OSBPL3: variants seen among roughly 807,000 people sequenced by gnomAD.
OSBPL3 encodes oxysterol binding protein like 3.
Under a neutral mutation model 120.1 loss-of-function variants are expected in OSBPL3, and 65 were observed. The observed-to-expected ratio is 0.54, with a 90% confidence interval of 0.44 to 0.67. The LOEUF is 0.67. Among genes scored for constraint, OSBPL3 ranks in the 30% least tolerant of loss-of-function variants. The pLI is 0.00. For synonymous variants in OSBPL3, 416 were observed against 402.6 expected (o/e 1.03, Z -0.40); for missense variants, 1,004 against 1,082.1 (o/e 0.93, Z 1.01).
In OSBPL3 at chr7:24,803,930, ATC is replaced by A. The variant is rs1229599543; in HGVS notation, c.2567+383_2567+384del. 6.6e-6 allele frequency among the ~76,000 whole-genome samples: 1 copy of A among 152,160 alleles called. No individual in the cohort carries two copies. Among genetic ancestry groups the A allele is most frequent in the East Asian group, 1.9e-4 (1 of 5,200 alleles). On this transcript the variant is annotated intron_variant, in intron 22 of 22. Transcript: ENST00000313367. This position sits in a 1 kb window ranked among gnomAD's most constrained non-coding sequence, Gnocchi z 4.2. ...CTTAACTGTGGAGTGATCGTGAATGATCTCTGTCATGGTGTAAAACATGCCTA... is the reference window on the plus strand; with the variant it reads ...CTTAACTGTGGAGTGATCGTGAATGATCTGTCATGGTGTAAAACATGCCTA...
intron 1 of OSBPL3, among the ~76,000 whole-genome samples, chr7:24,961,368 C>T (rs1263389322): frequency 6.6e-6 from 1 of 152,124 alleles, no homozygotes; most frequent in Non-Finnish European, 1.5e-5. Flanking sequence ...TTGAAATTAA[C>T]AAGAAGAAGC....
chr7:24,814,403 G>A (rs988540369), intron 19 of OSBPL3, among the ~76,000 whole-genome samples: 2 of 151,738 alleles, frequency 1.3e-5, no homozygotes, highest in African/African-American at 4.8e-5. Context: ...CTTCAACTCT[G>A]AGAAAGATGG....
rs1794696205 is a variant in OSBPL3 at position 24,818,150 on chromosome 7, G to A, written c.1949-1462C>T. On this transcript the variant is annotated intron_variant, in intron 17 of 22. Transcript: ENST00000313367. The surrounding 1 kb of genome is among the most constrained non-coding windows in gnomAD (Gnocchi z 4.0). Reference sequence around the variant, plus strand: ...GCTGGGGAATATTGAGAGAAATGGGGCAGGTGGCAGAGGGGGTGGATAATA... The same window carrying A: ...GCTGGGGAATATTGAGAGAAATGGGACAGGTGGCAGAGGGGGTGGATAATA... 6.6e-6 allele frequency among the ~76,000 whole-genome samples: 1 copy of A among 152,166 alleles called. No individual in the cohort carries two copies. The highest frequency in any genetic ancestry group is 2.4e-5 in the African/African-American group (1 of 41,436).
chr7:24,860,543 G>A lies in OSBPL3; in HGVS notation c.1027+1070C>T, dbSNP rs142977993. 7.2e-3 allele frequency among the ~76,000 whole-genome samples: 1,093 copies of A among 152,168 alleles called. 26 individuals carry two copies. The highest frequency in any genetic ancestry group is 0.018 in the East Asian group (94 of 5,186). ...TGCCACCATGTAAGACATGCTTTTC[G>A]TCATCTGCCATGATTGTGAGGCCTC... On this transcript the variant is annotated intron_variant, in intron 10 of 22. Coordinates refer to ENST00000313367, the MANE Select transcript of OSBPL3 (RefSeq NM_015550.4).
chr7:24,851,508 T>C lies in OSBPL3; in HGVS notation c.1158+996A>G, dbSNP rs1799149503. Among the ~76,000 whole-genome samples, 1 of 152,214 alleles carries C rather than the reference T, an allele frequency of 6.6e-6. No homozygotes were observed. Among genetic ancestry groups the C allele is most frequent in the African/African-American group, 2.4e-5 (1 of 41,444 alleles). The stretch of plus-strand genomic sequence containing the variant: ...ATAAATAGAAAATATGAATCAACAT[T>C]TTCTAGTTCTCTCAATGCCTGTGTT... On this transcript the variant is annotated intron_variant, in intron 11 of 22. Transcript: ENST00000313367. This position sits in a 1 kb window ranked among gnomAD's most constrained non-coding sequence, Gnocchi z 4.1.
chr7:24,942,452 CTCT>C lies in OSBPL3; in HGVS notation c.-150+37431_-150+37433del, dbSNP rs567618180. Among the ~76,000 whole-genome samples, 64 of 46,934 alleles carry C rather than the reference CTCT, an allele frequency of 1.4e-3. No homozygotes were observed. In the East Asian group the frequency reaches 0.053, roughly 39 times the overall value. 30.8% of individuals were successfully genotyped at this position (46,934 alleles called of 152,430 possible). On this transcript the variant is annotated intron_variant, in intron 1 of 22. Transcript: ENST00000313367. ...TCCTGGATTTAGATCCTTCACGGGCCTCTTCTCTGTCATGGTAATCCATGCATT... is the reference window on the plus strand; with the variant it reads ...TCCTGGATTTAGATCCTTCACGGGCCTCTCTGTCATGGTAATCCATGCATT...
intron 22 of OSBPL3, 64 bp from the exon 23 acceptor site, chr7:24,800,343 T>G (rs1160890799): frequency 9.6e-6 from 9 of 937,934 alleles, no homozygotes; most frequent in Non-Finnish European, 1.5e-5. Context: ...CAAGTCTCTT[T>G]CCTTCCTAAC....
rs1303015778 is a variant in OSBPL3 at position 24,916,670 on chromosome 7, T to G, written c.-149-24049A>C. Among the ~76,000 whole-genome samples, 1 of 152,080 alleles carries G rather than the reference T, an allele frequency of 6.6e-6. No homozygotes were observed. The highest frequency in any genetic ancestry group is 1.9e-4 in the East Asian group (1 of 5,182). On this transcript the variant is annotated intron_variant, in intron 1 of 22. Coordinates refer to ENST00000313367, the MANE Select transcript of OSBPL3 (RefSeq NM_015550.4). The surrounding 1 kb of genome is among the most constrained non-coding windows in gnomAD (Gnocchi z 4.9). ...ACTGTTGGAGAAACATTATGTGCCA[T>G]GCTCTAAGGTGAAAGAATCTGCCTA...
rs529677943 is a variant in OSBPL3 at position 24,913,460 on chromosome 7, C to T, written c.-149-20839G>A. 1.3e-4 allele frequency among the ~76,000 whole-genome samples: 20 copies of T among 152,234 alleles called. No individual in the cohort carries two copies. Among genetic ancestry groups the T allele is most frequent in the South Asian group, 6.2e-4 (3 of 4,816 alleles). On this transcript the variant is annotated intron_variant, in intron 1 of 22. Transcript: ENST00000313367. The surrounding 1 kb of genome is among the most constrained non-coding windows in gnomAD (Gnocchi z 5.3). ...TGGGTAGGTCAGACTCAGAAGGGGG[C>T]TCCTTGACCAACAAACCCTGACTCC...
intron 1 of OSBPL3, among the ~76,000 whole-genome samples, chr7:24,949,279 C>G (rs1334725976): frequency 1.3e-5 from 2 of 152,186 alleles, no homozygotes; most frequent in African/African-American, 4.8e-5. Flanking sequence ...TCATCACATA[C>G]TGTGTTCCAC....
At chr7:24,844,998 T>C (rs920184078) in intron 12 of OSBPL3, among the ~76,000 whole-genome samples, 8 of 152,312 alleles carry the variant, frequency 5.3e-5, no homozygotes, top group African/African-American at 1.9e-4. Flanking sequence ...AGAGTAATAA[T>C]AAAATTAAGA....
rs1340840512 is a variant in OSBPL3, at chr7:24,867,507, G to A, written c.382-1270C>T. On this transcript the variant is annotated intron_variant, in intron 5 of 22. Transcript: ENST00000313367. The surrounding 1 kb of genome is among the most constrained non-coding windows in gnomAD (Gnocchi z 4.5). ...GGCAAGTCATTCCCATGGTGTTCTC[G>A]TGGTGGTGCGTGGGTCTCGCAAGAT... Among the ~76,000 whole-genome samples, 3 of 152,132 alleles carry A rather than the reference G, an allele frequency of 2.0e-5. No individual in the cohort carries two copies. The highest frequency in any genetic ancestry group is 6.5e-5 in the Admixed American group (1 of 15,284).
chr7:24,845,384 T>TAAAAAAAAAAAA (rs34559902), intron 12 of OSBPL3, among the ~76,000 whole-genome samples: 823 of 62,180 alleles, frequency 0.013, 2 homozygotes, highest in Middle Eastern at 0.025. Flanking sequence ...GCAAAATAAG[T>TAAAAAAAAAAAA]AAAAAAAAAA....
chr7:24,809,852 T>C lies in OSBPL3; in HGVS notation c.2272A>G (p.Ile758Val), dbSNP rs757559546. ...GAAGAGGAGCCGCCGCCACAGTAGATGCTTTCATGCCATTTCCCAAACAGC... is the reference window on the plus strand; with the variant it reads ...GAAGAGGAGCCGCCGCCACAGTAGACGCTTTCATGCCATTTCCCAAACAGC... ...HRLFGKWHES[I>V]YCGGGSSSAC... is the part of the protein sequence containing the mutation. The change falls in exon 20 of 23, where the codon ATC becomes GTC. Residue 758 changes from isoleucine to valine, a missense_variant. Physicochemically the swap from Ile to Val is conservative, Grantham distance 29. Coordinates refer to ENST00000313367, the MANE Select transcript of OSBPL3 (RefSeq NM_015550.4). 6.2e-7 allele frequency: 1 copy of C among 1,614,206 alleles called. No individual in the cohort carries two copies.
chr7:24,949,222 T>C (rs1455890519), intron 1 of OSBPL3, among the ~76,000 whole-genome samples: 4 of 152,234 alleles, frequency 2.6e-5, no homozygotes, highest in Non-Finnish European at 5.9e-5. Flanking sequence ...ATTCCTGACA[T>C]CTTTCCATAA....
At chr7:24,861,831 G>A (rs942701686) in intron 9 of OSBPL3, 62 bp from the exon 10 acceptor site, 39 of 1,073,544 alleles carry the variant, frequency 3.6e-5, no homozygotes, top group Admixed American at 5.1e-5. Flanking sequence ...ATATTTACTT[G>A]ATTCTAAGAT....
In OSBPL3 at chr7:24,871,222, G is replaced by A. The variant is rs1190614063; in HGVS notation, c.268-377C>T. On this transcript the variant is annotated intron_variant, in intron 4 of 22. Transcript: ENST00000313367. The surrounding 1 kb of genome is among the most constrained non-coding windows in gnomAD (Gnocchi z 4.8). ...TTCTGGTGTCTAAATTCATTTAGAA[G>A]TGATGTATTAATAAAAGAAGTGAGA... Among the ~76,000 whole-genome samples, 1 of 152,204 alleles carries A rather than the reference G, an allele frequency of 6.6e-6. No individual in the cohort carries two copies. Among genetic ancestry groups the A allele is most frequent in the East Asian group, 1.9e-4 (1 of 5,196 alleles).
intron 1 of OSBPL3, among the ~76,000 whole-genome samples, chr7:24,934,879 G>A (rs2128472100): frequency 6.6e-6 from 1 of 152,184 alleles, no homozygotes; most frequent in East Asian, 1.9e-4. Context: ...CCTTCTTTCT[G>A]GGGGACTTAA....
At chr7:24,865,791 A>G (rs1801228516) in intron 6 of OSBPL3, among the ~76,000 whole-genome samples, 1 of 152,224 alleles carries the variant, frequency 6.6e-6, no homozygotes, top group African/African-American at 2.4e-5. Context: ...CAACCAGAAA[A>G]GGAAACCAAA....
Sources: allele counts gnomAD v4.1 joint callset (sites outside exome capture counted in the v4.1 genomes callset), GRCh38; gene constraint gnomAD v4.1.1; non-coding constraint Gnocchi (gnomAD v3.1); transcripts MANE v1.5; gene names NCBI Gene and HGNC (gene_info 2026-07-23, HGNC 2026-07-21).